Variants in COL4A3 observed in about 807,000 individuals in gnomAD.
The protein encoded by COL4A3 is collagen type IV alpha 3 chain.
A neutral mutation model predicts 217.4 loss-of-function variants in COL4A3; 135 were observed. The observed-to-expected ratio is 0.62, with a 90% CI of 0.54 to 0.72. The LOEUF (loss-of-function observed/expected upper bound fraction) is 0.72, where lower values mean the gene tolerates loss of function less well. Among genes scored for constraint, COL4A3 ranks in the 30% least tolerant of loss-of-function variants. The pLI, the probability that COL4A3 is intolerant of heterozygous loss-of-function variation, is 0.00. For missense variants in COL4A3, 1,868 were observed against 2,119.9 expected, an observed-to-expected ratio of 0.88 and a Z score of 2.33; for synonymous variants, 690 against 736.3, an observed-to-expected ratio of 0.94 and a Z score of 1.02.
At position 227,280,424 on chromosome 2, in the gene COL4A3, A is replaced by G. The variant is rs2071882633; in HGVS notation, c.2224-16A>G. The G allele has an allele frequency of 8.1e-6, 13 of 1,613,686 alleles. No homozygotes were observed. The highest frequency in any genetic ancestry group is 1.1e-5 in the Non-Finnish European group (13 of 1,179,812). On this transcript the variant is annotated splice_polypyrimidine_tract_variant and intron_variant, in intron 29 of 51. Transcript: ENST00000396578. ...TGGAAGCACTATATAGTAATAACAC[A>G]ATTTCTATGCTGTAGGGAGAACCAG...
chr2:227,289,817 T>G (rs1207175689), intron 35 of COL4A3, among the ~76,000 whole-genome samples, 182 bp from the exon 36 acceptor site: 1 of 152,178 alleles, frequency 6.6e-6, no homozygotes. Flanking sequence ...CTTTCTTTAG[T>G]TTTCCATGTT....
intron 1 of COL4A3, among the ~76,000 whole-genome samples, chr2:227,205,413 G>A (rs1416361207): frequency 6.6e-6 from 1 of 152,072 alleles, no homozygotes; most frequent in Non-Finnish European, 1.5e-5. Context: ...TACAAACATT[G>A]TGATATGTTT....
At position 227,308,655 on chromosome 2, in the gene COL4A3, T is replaced by C. The variant is rs137954309; in HGVS notation, c.4463-244T>C. On this transcript the variant is annotated intron_variant, in intron 48 of 51. Transcript: ENST00000396578. The stretch of plus-strand genomic sequence containing the variant: ...CTGATCTATGCTAGCCCCCATGTTC[T>C]AAATCGATTAGAAAGAGCCACCGGA... 5.0e-3 allele frequency among the ~76,000 whole-genome samples: 759 copies of C among 152,358 alleles called. 6 individuals carry two copies. The highest frequency in any genetic ancestry group is 0.017 in the African/African-American group (720 of 41,576).
chr2:227,199,988 T>C (rs913099853), intron 1 of COL4A3, among the ~76,000 whole-genome samples: 3 of 152,232 alleles, frequency 2.0e-5, no homozygotes, highest in African/African-American at 7.2e-5. Context: ...TCTGTAGACA[T>C]GTATGGTTTG....
chr2:227,234,723 A>C (rs75746527), intron 1 of COL4A3, among the ~76,000 whole-genome samples: 2,645 of 152,340 alleles, frequency 0.017, 78 homozygotes, highest in African/African-American at 0.059. Flanking sequence ...AAAGGGGACC[A>C]GTCTAGTCTG....
At chr2:227,238,187 AAAG>A in intron 2 of COL4A3, 163 bp downstream of exon 2, 1 of 528,222 alleles carries the variant, frequency 1.9e-6, no homozygotes, top group Non-Finnish European at 3.4e-6. Flanking sequence ...AAAAAAAAAA[AAAG>A]AAAAAAGTCA....
intron 26 of COL4A3, among the ~76,000 whole-genome samples, chr2:227,273,893 C>G (rs1020272141): frequency 2.0e-5 from 3 of 152,116 alleles, no homozygotes; most frequent in African/African-American, 7.2e-5. Flanking sequence ...GAATAGCATG[C>G]TACTGATAGT....
chr2:227,278,164 T>C (rs930795977), intron 28 of COL4A3, among the ~76,000 whole-genome samples: 1 of 151,600 alleles, frequency 6.6e-6, no homozygotes, highest in African/African-American at 2.4e-5. Flanking sequence ...AAATCACAAA[T>C]GGCTGATTTT....
chr2:227,297,542 T>TATATATTTTATA, intron 41 of COL4A3, 132 bp from the exon 42 acceptor site: 1 of 800,362 alleles, frequency 1.2e-6, no homozygotes, highest in Non-Finnish European at 2.0e-6. Context: ...TATTATAAAA[T>TATATATTTTATA]ATATATTTTA....
chr2:227,309,184 G>A lies in COL4A3; in HGVS notation c.4641-20G>A. The A allele has an allele frequency of 6.2e-7, 1 of 1,613,606 alleles. No individual in the cohort carries two copies. The highest frequency in any genetic ancestry group is 8.5e-7 in the Non-Finnish European group (1 of 1,179,502). On this transcript the variant is annotated intron_variant, in intron 49 of 51. Transcript: ENST00000396578. ...TGCAGAAAGTGGCAATGCCGCCATA[G>A]TCTTTGTTTCATGTTACAGATGCAC... is the stretch of plus-strand genomic sequence containing the variant.
chr2:227,212,925 T>C (rs995059866), intron 1 of COL4A3, among the ~76,000 whole-genome samples: 1 of 152,256 alleles, frequency 6.6e-6, no homozygotes. Flanking sequence ...CTTGACTAAT[T>C]GGAGACTATA....
chr2:227,212,763 C>T lies in COL4A3; in HGVS notation c.88-25205C>T, dbSNP rs542483171. Reference sequence around the variant, plus strand: ...GAAGGGTGCTTTACATTTTTTATGACTCTTGGACATCCCCAGTGCACGTTA... The same window carrying T: ...GAAGGGTGCTTTACATTTTTTATGATTCTTGGACATCCCCAGTGCACGTTA... On this transcript the variant is annotated intron_variant, in intron 1 of 51. Coordinates refer to ENST00000396578, the MANE Select transcript of COL4A3 (RefSeq NM_000091.5). Among the ~76,000 whole-genome samples the T allele has an allele frequency of 9.8e-5, 15 of 152,310 alleles. No homozygotes were observed. The South Asian group carries it at 2.5e-3, about 25-fold the overall frequency.
chr2:227,280,222 T>C (rs753470847), intron 29 of COL4A3, among the ~76,000 whole-genome samples: 3 of 152,202 alleles, frequency 2.0e-5, no homozygotes, highest in Non-Finnish European at 4.4e-5. Context: ...TTTCTCTTTA[T>C]AGACAATCCC....
chr2:227,271,026 C>CA, intron 25 of COL4A3, 74 bp downstream of exon 25: 1 of 1,500,732 alleles, frequency 6.7e-7, no homozygotes, highest in Non-Finnish European at 9.2e-7. Context: ...ATTTCTTTTC[C>CA]AAAAATGGTT....
chr2:227,177,677 C>T (rs562491305), intron 1 of COL4A3, among the ~76,000 whole-genome samples: 9 of 152,154 alleles, frequency 5.9e-5, no homozygotes, highest in Admixed American at 2.0e-4. Flanking sequence ...CAGAAATAAA[C>T]GATTCATAAG....
chr2:227,238,361 C>T (rs2068818771), intron 2 of COL4A3, among the ~76,000 whole-genome samples: 1 of 151,868 alleles, frequency 6.6e-6, no homozygotes. Context: ...AAGAGAAGAA[C>T]TGAAAACGAT....
At chr2:227,190,455 G>A (rs998715473) in intron 1 of COL4A3, among the ~76,000 whole-genome samples, 3 of 152,138 alleles carry the variant, frequency 2.0e-5, no homozygotes, top group African/African-American at 7.2e-5. Context: ...ACAGTCTGAA[G>A]CAAACACATA....
In COL4A3 at chr2:227,244,359, G is replaced by C. The variant is rs200873401; in HGVS notation, c.274G>C (p.Val92Leu). The C allele has an allele frequency of 1.3e-4, 217 of 1,613,836 alleles. No homozygotes were observed. The African/African-American group carries it at 2.6e-3, about 19-fold the overall frequency. The stretch of plus-strand genomic sequence containing the variant: ...TCCAGGACTCACGGGTTCCAAAGGT[G>C]TAAGGGTTAGTAGTCCAACCAGTCC... ...GLPGLTGSKG[V>L]RGISGLPGFS... Residue 92 changes from valine (V) to leucine (L), a missense_variant, in exon 4 of 52, where the codon GTA becomes CTA. Val to Leu is a conservative substitution (Grantham distance 32). This residue lies in a region of COL4A3 where 365 missense variants were observed against 333.8 expected (regional missense o/e 1.09). Transcript: ENST00000396578.
intron 1 of COL4A3, 94 bp from the exon 2 acceptor site, chr2:227,237,874 T>A: frequency 1.1e-6 from 1 of 891,864 alleles, no homozygotes; most frequent in Non-Finnish European, 1.9e-6. Context: ...TGTCCAATAC[T>A]CGAAGAACAG....
Sources: gnomAD v4.1 joint callset for allele counts (sites outside exome capture counted in the v4.1 genomes callset) on GRCh38, gnomAD v4.1.1 for gene constraint, gnomAD v4.1.1 regional missense constraint, MANE v1.5 for transcripts, NCBI Gene and HGNC (gene_info 2026-07-23, HGNC 2026-07-21) for gene names.